KCNN1: variants seen among roughly 807,000 people sequenced by gnomAD.
KCNN1 encodes the protein potassium calcium-activated channel subfamily N member 1.
Under a neutral mutation model 44.7 loss-of-function variants are expected in KCNN1, and 20 were observed. The observed-to-expected ratio is 0.45, with a 90% CI of 0.32 to 0.65. KCNN1 has a LOEUF of 0.65. KCNN1 is among the 30% of genes least tolerant of loss of function. KCNN1 has a pLI of 0.05. For missense variants in KCNN1, 632 were observed against 785.3 expected, an observed-to-expected ratio of 0.80 and a Z score of 2.33; for synonymous variants, 324 against 341.7, an observed-to-expected ratio of 0.95 and a Z score of 0.57.
intron 1 of KCNN1, among the ~76,000 whole-genome samples, chr19:17,970,289 ATTTTTTTTTTTT>A (rs71164333): frequency 3.8e-3 from 214 of 56,716 alleles, no homozygotes; most frequent in Non-Finnish European, 5.4e-3. Context: ...AGAAGGAATG[ATTTTTTTTTTTT>A]TTTTTTTTTT....
chr19:17,966,896 G>T (rs1340169525), upstream of KCNN1, among the ~76,000 whole-genome samples: 18 of 151,598 alleles, frequency 1.2e-4, no homozygotes, highest in East Asian at 3.3e-3. Flanking sequence ...GGCGGGGGTT[G>T]GAGCTTCACC....
intron 3 of KCNN1, 80 bp downstream of exon 3, chr19:17,975,267 C>G: frequency 1.0e-6 from 1 of 965,218 alleles, no homozygotes; most frequent in East Asian, 2.4e-5. Context: ...TAGACCCCAT[C>G]CCCTCAAAAC....
At position 17,974,046 on chromosome 19, in the gene KCNN1, G is replaced by A. The variant is rs555956505; in HGVS notation, c.158G>A (p.Arg53Gln). ...GTAGTGGCCAAGAGTGAGCCAGCCC[G>A]GCCCTCACCCGGCAGCCCCCGGGGG... is the stretch of plus-strand genomic sequence containing the variant. ...QVVVAKSEPARPSPGSPRGQP... is the reference protein window; with the variant it reads ...QVVVAKSEPAQPSPGSPRGQP... Residue 53 changes from arginine to glutamine, a missense_variant, in exon 2 of 10, where the codon CGG becomes CAG. By Grantham distance (43) the Arg-to-Gln change is conservative (BLOSUM62 1). Transcript: ENST00000684775. The surrounding 1 kb of genome is among the most constrained non-coding windows in gnomAD (Gnocchi z 7.3). 1.2e-4 allele frequency: 198 copies of A among 1,610,198 alleles called. No homozygotes were observed. The highest frequency in any genetic ancestry group is 7.2e-4 in the Admixed American group (43 of 59,770).
chr19:17,990,760 G>T (rs2891621), intron 7 of KCNN1, among the ~76,000 whole-genome samples: 42 of 144,884 alleles, frequency 2.9e-4, no homozygotes, highest in African/African-American at 1.0e-3. Context: ...AGATTGCGCC[G>T]CTGCACTCCA....
At chr19:17,969,218 C>G (rs918182786) in intron 1 of KCNN1, among the ~76,000 whole-genome samples, 1 of 152,092 alleles carries the variant, frequency 6.6e-6, no homozygotes, top group African/African-American at 2.4e-5. Flanking sequence ...AGTGGCTTCT[C>G]GACGGCAGGA....
chr19:17,953,119 G>A (rs1020213640), intron 1 of KCNN1, among the ~76,000 whole-genome samples: 4 of 152,112 alleles, frequency 2.6e-5, no homozygotes, highest in Non-Finnish European at 5.9e-5. Flanking sequence ...AAGAAGCCCC[G>A]GCCTCGCTCT....
At chr19:17,988,665 C>T (rs1473557221) in intron 6 of KCNN1, 140 bp downstream of exon 6, 2 of 696,116 alleles carry the variant, frequency 2.9e-6, no homozygotes, top group African/African-American at 3.5e-5. Flanking sequence ...ACTGTGCTGG[C>T]TTTGGGAGGC....
chr19:17,976,839 C>G (rs1797482983), intron 3 of KCNN1, among the ~76,000 whole-genome samples: 1 of 151,864 alleles, frequency 6.6e-6, no homozygotes. Flanking sequence ...CCTCAGTCTC[C>G]TGAGTGGCTG....
In KCNN1 at chr19:17,959,214, C is replaced by T. The variant is rs576112725; in HGVS notation, c.-82+4533C>T. Among the ~76,000 whole-genome samples the T allele has an allele frequency of 1.4e-3, 215 of 151,514 alleles. 3 individuals are homozygous for T. The highest frequency in any genetic ancestry group is 5.0e-3 in the African/African-American group (206 of 41,290). On this transcript the variant is annotated intron_variant, in intron 2 of 10. Transcript: ENST00000222249. ...TAATTTTTTGTATTTTTAGTAGAGA[C>T]GGGGTTTCACCATGTTGGCCACGCT...
In KCNN1 at chr19:17,990,775, G is replaced by A. The variant is rs10410307; in HGVS notation, c.1298+932G>A. ...AGATTGCGCCGCTGCACTCCAGCCT[G>A]GGCGACAGAGTGAGACTCTGTCTCA... On this transcript the variant is annotated intron_variant, in intron 7 of 9. Coordinates refer to ENST00000684775, the MANE Select transcript of KCNN1 (RefSeq NM_001386974.1). Among the ~76,000 whole-genome samples the A allele has an allele frequency of 7.4e-3, 1,101 of 149,380 alleles. 20 individuals carry two copies. Among genetic ancestry groups the A allele is most frequent in the African/African-American group, 0.025 (1,013 of 40,572 alleles).
At position 17,973,904 on chromosome 19, in the gene KCNN1, T is replaced by C. The variant is rs1227143847; in HGVS notation, c.16T>C (p.Tyr6His). The change falls in exon 2 of 10, where the codon TAC becomes CAC. Residue 6 changes from tyrosine to histidine, a missense_variant. By Grantham distance (83) the Tyr-to-His change is moderately conservative. Around this residue, in one of 3 missense-constraint regions of KCNN1, gnomAD observed 235 missense variants for 224.0 expected, o/e 1.05. Coordinates refer to ENST00000684775, the MANE Select transcript of KCNN1 (RefSeq NM_001386974.1). MNSHSYNGSVGRPLGS... is the reference protein window; with the variant it reads MNSHSHNGSVGRPLGS... ...CCAGGTAGTCATGAACAGCCACAGC[T>C]ACAATGGCAGCGTGGGGCGGCCGCT... is the stretch of plus-strand genomic sequence containing the variant. 29 of 1,553,900 alleles carry C rather than the reference T, an allele frequency of 1.9e-5. No homozygotes were observed. The highest frequency in any genetic ancestry group is 2.3e-5 in the Non-Finnish European group (27 of 1,151,098).
At chr19:17,996,564 C>T (rs558605540) in intron 9 of KCNN1, among the ~76,000 whole-genome samples, 2 of 152,316 alleles carry the variant, frequency 1.3e-5, no homozygotes, top group East Asian at 3.9e-4. Context: ...CGAGATCATG[C>T]CTCTGCACTC....
At chr19:17,987,705 T>C (rs924810819) in intron 5 of KCNN1, among the ~76,000 whole-genome samples, 5 of 151,766 alleles carry the variant, frequency 3.3e-5, no homozygotes, top group Non-Finnish European at 5.9e-5. Flanking sequence ...CATCTAAACC[T>C]GCCTGGGGCT....
chr19:17,982,331 TCCCCAGCTGCCCTCAACCAGGGAGGGA>T (rs2032446928), intron 4 of KCNN1, among the ~76,000 whole-genome samples: 1 of 151,976 alleles, frequency 6.6e-6, no homozygotes, highest in South Asian at 2.1e-4. Context: ...TAACCCTGTG[TCCCCAGCTGCCCTCAACCAGGGAGGGA>T]CCCCAGCTCC....
Position 17,997,520 on chromosome 19 carries a change from T to C in KCNN1, c.1378-632T>C, listed in dbSNP as rs56907935. ...CTTGGCTTGCTTGCTTTCTTTTTCTTGAGACGGATTTTCCCTCTTGTCACT... is the reference window on the plus strand; with the variant it reads ...CTTGGCTTGCTTGCTTTCTTTTTCTCGAGACGGATTTTCCCTCTTGTCACT... On this transcript the variant is annotated intron_variant, in intron 9 of 9. Coordinates refer to ENST00000684775, the MANE Select transcript of KCNN1 (RefSeq NM_001386974.1). Among the ~76,000 whole-genome samples, 337 of 152,298 alleles carry C rather than the reference T, an allele frequency of 2.2e-3. 2 individuals are homozygous for C. Among genetic ancestry groups the C allele is most frequent in the African/African-American group, 7.5e-3 (313 of 41,564 alleles).
At chr19:17,953,049 G>C (rs2031455508) in intron 1 of KCNN1, among the ~76,000 whole-genome samples, 1 of 152,124 alleles carries the variant, frequency 6.6e-6, no homozygotes, top group African/African-American at 2.4e-5. Context: ...CCAGAACTGG[G>C]GGGATTCCTT....
chr19:17,991,427 G>T (rs2032792647), intron 7 of KCNN1, among the ~76,000 whole-genome samples: 1 of 152,120 alleles, frequency 6.6e-6, no homozygotes, highest in African/African-American at 2.4e-5. Context: ...CTCCAGCCTG[G>T]GCCACAGAGC....
chr19:17,967,159 C>T lies in KCNN1; in HGVS notation c.-240C>T. The T allele has an allele frequency of 1.0e-6, 1 of 955,732 alleles. No homozygotes were observed. Among genetic ancestry groups the T allele is most frequent in the Non-Finnish European group, 1.2e-6 (1 of 805,142 alleles). 59.2% of individuals were successfully genotyped at this position (955,732 alleles called of 1,614,324 possible). On this transcript the variant is annotated 5_prime_UTR_variant, in exon 1 of 10. Transcript: ENST00000684775. The stretch of plus-strand genomic sequence containing the variant: ...GACTGGGCGGCGGGGGATGCGCCTG[C>T]CGCCGCCGCCCCCGGCCCCGCCGCC...
intron 2 of KCNN1, among the ~76,000 whole-genome samples, chr19:17,955,825 C>T (rs1474772908): frequency 2.0e-5 from 3 of 149,064 alleles, no homozygotes; most frequent in Non-Finnish European, 1.5e-5. Context: ...TCCCGGCTCT[C>T]GTGGTCTCGC....
Sources: gnomAD v4.1 joint callset for allele counts (sites outside exome capture counted in the v4.1 genomes callset) on GRCh38, gnomAD v4.1.1 for gene constraint, gnomAD v4.1.1 regional missense constraint, Gnocchi (gnomAD v3.1) non-coding constraint, MANE v1.5 for transcripts, NCBI Gene and HGNC (gene_info 2026-07-23, HGNC 2026-07-21) for gene names.